Variants in GULP1 observed in about 807,000 individuals in gnomAD.
GULP1 encodes PTB domain-containing engulfment adapter protein 1.
Under a neutral mutation model 40.9 loss-of-function variants are expected in GULP1, and 19 were observed. That is an observed-to-expected ratio of 0.46 (90% CI 0.32 to 0.68). The LOEUF is 0.68. Among genes scored for constraint, GULP1 ranks in the 30% least tolerant of loss-of-function variants. The pLI is 0.03. For synonymous variants in GULP1, 119 were observed against 117.6 expected (o/e 1.01, Z -0.08); for missense variants, 312 against 362.2 (o/e 0.86, Z 1.12).
At chr2:188,429,512 T>G (rs951435534) in intron 2 of GULP1, among the ~76,000 whole-genome samples, 16 of 152,074 alleles carry the variant, frequency 1.1e-4, no homozygotes, top group Admixed American at 9.2e-4. Context: ...AAAAAAAAGA[T>G]TCAGTAGGAG....
intron 2 of GULP1, among the ~76,000 whole-genome samples, chr2:188,461,533 G>A (rs183098458): frequency 1.3e-5 from 2 of 151,484 alleles, no homozygotes; most frequent in Admixed American, 6.6e-5. Flanking sequence ...TCAAACTCCC[G>A]ACCTCAGGTG....
chr2:188,492,535 A>G (rs530762213), intron 4 of GULP1, among the ~76,000 whole-genome samples: 1 of 152,078 alleles, frequency 6.6e-6, no homozygotes, highest in East Asian at 1.9e-4. Context: ...AGAAAAGCCC[A>G]GTGAGATTGG....
At chr2:188,493,718 G>A (rs938892595) in intron 4 of GULP1, among the ~76,000 whole-genome samples, 7 of 152,000 alleles carry the variant, frequency 4.6e-5, no homozygotes, top group African/African-American at 7.2e-5. Flanking sequence ...GTTGGTTTCC[G>A]GTGACACTAA....
At chr2:188,430,437 G>C (rs1311389690) in intron 2 of GULP1, among the ~76,000 whole-genome samples, 1 of 152,164 alleles carries the variant, frequency 6.6e-6, no homozygotes, top group South Asian at 2.1e-4. Context: ...TAAACTTGAT[G>C]AAAAGAGAAT....
intron 2 of GULP1, among the ~76,000 whole-genome samples, chr2:188,398,214 G>A (rs2051570364): frequency 6.6e-6 from 1 of 152,158 alleles, no homozygotes. Context: ...CTACAGCCCG[G>A]GGAGAAAGTG....
At chr2:188,410,971 C>T (rs2053793689) in intron 2 of GULP1, among the ~76,000 whole-genome samples, 1 of 152,164 alleles carries the variant, frequency 6.6e-6, no homozygotes, top group Non-Finnish European at 1.5e-5. Context: ...CTTGTTTACT[C>T]ATGTGGTCAT....
intron 1 of GULP1, among the ~76,000 whole-genome samples, chr2:188,357,952 G>T (rs1055929261): frequency 2.0e-5 from 3 of 152,178 alleles, no homozygotes; most frequent in Non-Finnish European, 4.4e-5. Flanking sequence ...GCTGAAGCAG[G>T]TGGATCACTT....
At chr2:188,572,087 C>T (rs556829294) in intron 9 of GULP1, among the ~76,000 whole-genome samples, 2 of 152,290 alleles carry the variant, frequency 1.3e-5, no homozygotes, top group South Asian at 2.1e-4. Flanking sequence ...TATTAATGTG[C>T]ATTGGTGATC....
chr2:188,340,662 G>A (rs1004337142), intron 1 of GULP1, among the ~76,000 whole-genome samples: 1 of 152,146 alleles, frequency 6.6e-6, no homozygotes, highest in African/African-American at 2.4e-5. Flanking sequence ...CTGCTAGTGA[G>A]GGCAGAGGGT....
intron 9 of GULP1, among the ~76,000 whole-genome samples, chr2:188,572,243 C>T (rs1320740303): frequency 1.3e-5 from 2 of 152,118 alleles, no homozygotes; most frequent in African/African-American, 4.8e-5. Flanking sequence ...GAAACATAGC[C>T]TATTCATAAG....
At chr2:188,368,635 AT>A (rs984492633) in intron 1 of GULP1, among the ~76,000 whole-genome samples, 3 of 151,900 alleles carry the variant, frequency 2.0e-5, no homozygotes, top group Admixed American at 6.6e-5. Flanking sequence ...AGTTAAAAAA[AT>A]GTTTTCAGTA....
intron 5 of GULP1, 107 bp downstream of exon 5, chr2:188,522,934 C>T: frequency 1.5e-6 from 1 of 668,614 alleles, no homozygotes; most frequent in Non-Finnish European, 2.7e-6. Context: ...TATAGCTTCA[C>T]CCTATTAAAA....
chr2:188,522,705 A>G (rs1318065617), intron 4 of GULP1, 51 bp from the exon 5 acceptor site: 1 of 1,069,198 alleles, frequency 9.4e-7, no homozygotes, highest in South Asian at 1.3e-5. Flanking sequence ...AACATGATGC[A>G]ATGATATATG....
At chr2:188,384,390 A>G (rs2049391713) in intron 2 of GULP1, 1 of 152,192 alleles carries the variant, frequency 6.6e-6, no homozygotes, top group Non-Finnish European at 1.5e-5. Flanking sequence ...AGAACAGCAC[A>G]GGAAAGACTC....
rs116773734 is a variant in GULP1, at chr2:188,335,992, T to C, written c.-172+43826T>C. 2.1e-3 allele frequency among the ~76,000 whole-genome samples: 320 copies of C among 152,344 alleles called. 2 individuals are homozygous for C. Among genetic ancestry groups the C allele is most frequent in the Non-Finnish European group, 2.6e-3 (175 of 68,034 alleles). Reference sequence around the variant, plus strand: ...ACTCAGATATGGATATCATTGTTCATAAATTAATAATAATTGTATACCTTC... The same window carrying C: ...ACTCAGATATGGATATCATTGTTCACAAATTAATAATAATTGTATACCTTC... On this transcript the variant is annotated intron_variant, in intron 1 of 11. Coordinates refer to ENST00000409830, the MANE Select transcript of GULP1 (RefSeq NM_016315.4).
chr2:188,417,581 T>G (rs773870977), intron 2 of GULP1, among the ~76,000 whole-genome samples: 2 of 152,216 alleles, frequency 1.3e-5, no homozygotes, highest in Non-Finnish European at 2.9e-5. Flanking sequence ...ATATTTCACT[T>G]AATTAAAAAC....
intron 6 of GULP1, among the ~76,000 whole-genome samples, chr2:188,539,098 G>A (rs543720818): frequency 2.0e-5 from 3 of 151,806 alleles, no homozygotes; most frequent in Admixed American, 6.6e-5. Context: ...TTCCCTTTCT[G>A]CTTTTCTCAC....
At chr2:188,576,204 C>G (rs1478284049) in intron 9 of GULP1, among the ~76,000 whole-genome samples, 2 of 151,748 alleles carry the variant, frequency 1.3e-5, no homozygotes, top group Admixed American at 6.6e-5. Flanking sequence ...ATATACAAAT[C>G]TGGAATTCAT....
chr2:188,494,914 G>A (rs1185113040), intron 4 of GULP1, among the ~76,000 whole-genome samples: 1 of 151,814 alleles, frequency 6.6e-6, no homozygotes, highest in East Asian at 1.9e-4. Flanking sequence ...AAATGTCAAT[G>A]CTCTGCTTAG....
Sources: allele counts gnomAD v4.1 joint callset (sites outside exome capture counted in the v4.1 genomes callset), GRCh38; gene constraint gnomAD v4.1.1; transcripts MANE v1.5; gene names NCBI Gene and HGNC (gene_info 2026-07-23, HGNC 2026-07-21).